ROR1: variants seen among roughly 807,000 people sequenced by gnomAD.
ROR1 encodes the protein ROR family WNT receptor 1, also known as inactive tyrosine-protein kinase transmembrane receptor ROR1.
Under a neutral mutation model 78.8 loss-of-function variants are expected in ROR1, and 19 were observed. The observed-to-expected ratio is 0.24, with a 90% CI of 0.17 to 0.35. ROR1 has a LOEUF of 0.35. Ranked by LOEUF, ROR1 falls within the 10% of genes least tolerant of loss-of-function variation. The pLI, the probability that ROR1 is intolerant of heterozygous loss-of-function variation, is 1.00. For missense variants in ROR1, 917 were observed against 1,177.8 expected (o/e 0.78, Z 3.24); for synonymous variants, 386 against 433.6 (o/e 0.89, Z 1.36).
At chr1:63,853,246 A>G (rs773921887) in intron 1 of ROR1, among the ~76,000 whole-genome samples, 2 of 152,188 alleles carry the variant, frequency 1.3e-5, no homozygotes, top group Admixed American at 6.5e-5. Context: ...GATGTACTTT[A>G]TATCAGCTAG....
chr1:63,952,827 T>G (rs1645951528), intron 1 of ROR1, among the ~76,000 whole-genome samples: 1 of 152,070 alleles, frequency 6.6e-6, no homozygotes, highest in South Asian at 2.1e-4. Flanking sequence ...GTCTTAGAGC[T>G]AGCAAGCAAA....
At chr1:63,789,323 G>A (rs1557497374) in intron 1 of ROR1, 1 of 486,028 alleles carries the variant, frequency 2.1e-6, no homozygotes, top group Non-Finnish European at 3.8e-6. Flanking sequence ...CCATAGCAGT[G>A]AAAGGTGAGT....
chr1:63,855,414 C>CT (rs1175406082), intron 1 of ROR1, among the ~76,000 whole-genome samples: 2 of 152,152 alleles, frequency 1.3e-5, no homozygotes, highest in African/African-American at 4.8e-5. Context: ...CGCTCCTCTC[C>CT]TTTGGGGGCT....
At chr1:64,101,469 GAGAC>G (rs1647539163) in intron 4 of ROR1, among the ~76,000 whole-genome samples, 1 of 152,170 alleles carries the variant, frequency 6.6e-6, no homozygotes, top group African/African-American at 2.4e-5. Flanking sequence ...GGAGGAGGTA[GAGAC>G]ATAATGGTAC....
At chr1:64,125,604 T>C (rs1031261002) in intron 4 of ROR1, among the ~76,000 whole-genome samples, 5 of 152,092 alleles carry the variant, frequency 3.3e-5, no homozygotes, top group Non-Finnish European at 7.4e-5. Flanking sequence ...CATTTCTGGT[T>C]AATCAGTGGG....
At chr1:63,897,602 A>AT in intron 1 of ROR1, among the ~76,000 whole-genome samples, 1 of 152,282 alleles carries the variant, frequency 6.6e-6, no homozygotes, top group East Asian at 1.9e-4. Flanking sequence ...TTCCATAAAT[A>AT]TTTTTTGAAC....
chr1:63,905,197 A>G (rs1318512700), intron 1 of ROR1, among the ~76,000 whole-genome samples: 1 of 152,160 alleles, frequency 6.6e-6, no homozygotes, highest in Admixed American at 6.5e-5. Flanking sequence ...AACCTTCTGG[A>G]TTCAATAGTG....
chr1:64,083,295 A>G (rs943654447), intron 4 of ROR1, among the ~76,000 whole-genome samples: 1 of 152,188 alleles, frequency 6.6e-6, no homozygotes, highest in African/African-American at 2.4e-5. Context: ...CATCAAAGAA[A>G]ATCTGAGTAG....
chr1:64,051,449 C>CAAAAA (rs1646828754), intron 4 of ROR1, among the ~76,000 whole-genome samples: 1 of 45,700 alleles, frequency 2.2e-5, no homozygotes, highest in Non-Finnish European at 5.5e-5. Flanking sequence ...GACTCCGTCT[C>CAAAAA]AAAAATAAAA....
intron 1 of ROR1, among the ~76,000 whole-genome samples, chr1:63,921,292 G>C (rs984283906): frequency 6.6e-6 from 1 of 152,096 alleles, no homozygotes; most frequent in African/African-American, 2.4e-5. Flanking sequence ...TGCAGATTCC[G>C]ATTTGAAAGT....
chr1:63,925,589 A>G (rs1346002471), intron 1 of ROR1, among the ~76,000 whole-genome samples: 1 of 152,048 alleles, frequency 6.6e-6, no homozygotes, highest in Non-Finnish European at 1.5e-5. Context: ...GAATCGCCAC[A>G]CTGACTTCCA....
At chr1:64,089,605 C>A (rs7533738) in intron 4 of ROR1, among the ~76,000 whole-genome samples, 51,473 of 152,082 alleles carry the variant, frequency 0.34, 9,787 homozygotes, top group African/African-American at 0.51. Context: ...CATTGAACTC[C>A]TTTTTCATCT....
intron 1 of ROR1, among the ~76,000 whole-genome samples, chr1:63,990,606 C>T (rs1646288098): frequency 1.3e-5 from 2 of 152,098 alleles, no homozygotes; most frequent in African/African-American, 4.8e-5. Flanking sequence ...ACAAAAATCC[C>T]AAACCTCTAT....
Position 63,850,135 on chromosome 1 carries a change from G to C in ROR1, c.91+75627G>C, listed in dbSNP as rs528860903. On this transcript the variant is annotated intron_variant, in intron 1 of 8. Transcript: ENST00000371079. ...AATTGTGTATAAATGGGAACTTACT[G>C]TACCTGTCATACATCTTGCTATTTT... 3.5e-4 allele frequency among the ~76,000 whole-genome samples: 54 copies of C among 152,304 alleles called. No homozygotes were observed. In the South Asian group the frequency reaches 0.011, roughly 31 times the overall value.
intron 4 of ROR1, among the ~76,000 whole-genome samples, chr1:64,122,629 T>C (rs1288041881): frequency 6.6e-6 from 1 of 152,148 alleles, no homozygotes. Context: ...GACCCCCATA[T>C]GCTAGGATAC....
intron 1 of ROR1, among the ~76,000 whole-genome samples, chr1:63,778,252 T>C (rs1306369017): frequency 6.6e-6 from 1 of 152,222 alleles, no homozygotes; most frequent in Non-Finnish European, 1.5e-5. Context: ...ATTAAGGATA[T>C]GTGAACTTCC....
intron 1 of ROR1, among the ~76,000 whole-genome samples, chr1:63,993,741 G>A (rs965414969): frequency 2.6e-5 from 4 of 152,030 alleles, no homozygotes; most frequent in Non-Finnish European, 5.9e-5. Flanking sequence ...TGTGAATTTT[G>A]GATAGCCATA....
At chr1:63,826,473 T>G (rs1394451432) in intron 1 of ROR1, among the ~76,000 whole-genome samples, 1 of 152,182 alleles carries the variant, frequency 6.6e-6, no homozygotes, top group Non-Finnish European at 1.5e-5. Flanking sequence ...CATACCACAT[T>G]TTCTTTATCT....
chr1:64,039,073 C>T (rs1168463019), intron 2 of ROR1, among the ~76,000 whole-genome samples: 1 of 152,240 alleles, frequency 6.6e-6, no homozygotes, highest in Non-Finnish European at 1.5e-5. Flanking sequence ...TGAGAGAGAA[C>T]ATTCAAGTGA....
Sources: allele counts gnomAD v4.1 joint callset (sites outside exome capture counted in the v4.1 genomes callset), GRCh38; gene constraint gnomAD v4.1.1; transcripts MANE v1.5; gene names NCBI Gene and HGNC (gene_info 2026-07-23, HGNC 2026-07-21).